Variants in POMGNT1 observed in about 807,000 individuals in gnomAD.
POMGNT1 encodes protein O-linked-mannose beta-1,2-N-acetylglucosaminyltransferase 1.
A neutral mutation model predicts 95.6 loss-of-function variants in POMGNT1; 67 were observed. The ratio of observed to expected loss-of-function variants is 0.70; its 90% CI spans 0.58 to 0.86. The LOEUF (loss-of-function observed/expected upper bound fraction) is 0.86. Among genes scored for constraint, POMGNT1 ranks in the 40% least tolerant of loss-of-function variants. The pLI is 0.00. For missense variants in POMGNT1, 719 were observed against 855.2 expected (o/e 0.84, Z 1.99); for synonymous variants, 298 against 317.9 (o/e 0.94, Z 0.66).
In POMGNT1 at chr1:46,193,296, A is replaced by G. The variant is rs1553163359; in HGVS notation, c.1110+9T>C. ...GTGTCTGCCCCATCCCCACTTGCCTATGCAGTACCTGAGACACGCGGGCAT... is the reference window on the plus strand; with the variant it reads ...GTGTCTGCCCCATCCCCACTTGCCTGTGCAGTACCTGAGACACGCGGGCAT... On this transcript the variant is annotated intron_variant, in intron 12 of 21. Coordinates refer to ENST00000371984, the MANE Select transcript of POMGNT1 (RefSeq NM_017739.4). 1.2e-6 allele frequency: 2 copies of G among 1,613,738 alleles called. No homozygotes were observed. The highest frequency in any genetic ancestry group is 8.5e-7 in the Non-Finnish European group (1 of 1,179,896).
At chr1:46,219,698 G>C (rs1380109240) in intron 1 of POMGNT1, 1 of 1,580,328 alleles carries the variant, frequency 6.3e-7, no homozygotes, top group South Asian at 1.2e-5. Context: ...CACTCCCCCA[G>C]GCTTACCTGC....
intron 8 of POMGNT1, 54 bp downstream of exon 8, chr1:46,194,499 T>C (rs1350932241): frequency 1.2e-6 from 2 of 1,613,992 alleles, no homozygotes; most frequent in Admixed American, 1.7e-5. Context: ...CAGAGAGATC[T>C]AAATGCCCAC....
rs1013539247 is a variant in POMGNT1, at chr1:46,195,077, A to G, written c.535-116T>C. 7 of 883,724 alleles carry G rather than the reference A, an allele frequency of 7.9e-6. No individual in the cohort carries two copies. In the African/African-American group the frequency reaches 8.2e-5, roughly 10 times the overall value. 54.7% of individuals were successfully genotyped at this position (883,724 alleles called of 1,614,324 possible). A position where few individuals can be genotyped will look rare whatever the true frequency, so the allele number is the denominator to read the frequency against. On this transcript the variant is annotated intron_variant, in intron 6 of 21. Transcript: ENST00000371984. Reference sequence around the variant, plus strand: ...TAAAATAGCTCATTACATTATTGCAATAACCCTCTATGGTTACTCTCTTTC... The same window carrying G: ...TAAAATAGCTCATTACATTATTGCAGTAACCCTCTATGGTTACTCTCTTTC...
Position 46,189,181 on chromosome 1 carries a change from A to G in POMGNT1, c.*89T>C. On this transcript the variant is annotated 3_prime_UTR_variant, in exon 22 of 22. Transcript: ENST00000371984. ...AAACAAGGTAGCCCCAGCCCCTACC[A>G]GCATCTACAAAATCCTACAGGATGG... 6.5e-7 allele frequency: 1 copy of G among 1,535,044 alleles called. No homozygotes were observed. The highest frequency in any genetic ancestry group is 8.7e-7 in the Non-Finnish European group (1 of 1,145,926).
chr1:46,194,042 A>G, intron 9 of POMGNT1, 117 bp from the exon 10 acceptor site: 1 of 1,556,968 alleles, frequency 6.4e-7, no homozygotes. Flanking sequence ...GGGAAGGGAT[A>G]GAGGATCTTC....
chr1:46,197,226 C>T, intron 2 of POMGNT1, 142 bp from the exon 3 acceptor site: 1 of 1,571,220 alleles, frequency 6.4e-7, no homozygotes, highest in Admixed American at 1.8e-5. Flanking sequence ...AGCTCTACTC[C>T]CCTGACCAGG....
At chr1:46,211,227 C>T (rs1470710088) in intron 1 of POMGNT1, among the ~76,000 whole-genome samples, 1 of 152,154 alleles carries the variant, frequency 6.6e-6, no homozygotes, top group Non-Finnish European at 1.5e-5. Context: ...TGCGGCATTC[C>T]TTCCTCCAGG....
intron 1 of POMGNT1, chr1:46,219,695 C>G (rs374639738): frequency 1.6e-5 from 25 of 1,575,782 alleles, no homozygotes; most frequent in Non-Finnish European, 2.2e-5. Flanking sequence ...TCCCACTCCC[C>G]CAGGCTTACC....
rs780413984 is a variant in POMGNT1, at chr1:46,196,582, A to G, written c.354+149T>C. Reference sequence around the variant, plus strand: ...CTGACAAGTAGAAATCATTAGTCCCAGTCTATAGATAAGGAATCGAGGACT... The same window carrying G: ...CTGACAAGTAGAAATCATTAGTCCCGGTCTATAGATAAGGAATCGAGGACT... On this transcript the variant is annotated intron_variant, in intron 4 of 21. Coordinates refer to ENST00000371984, the MANE Select transcript of POMGNT1 (RefSeq NM_017739.4). The surrounding 1 kb of genome is among the most constrained non-coding windows in gnomAD (Gnocchi z 4.4). 1.8e-5 allele frequency: 26 copies of G among 1,474,032 alleles called. No homozygotes were observed. The highest frequency in any genetic ancestry group is 2.2e-5 in the Non-Finnish European group (24 of 1,087,996). 91.3% of individuals were successfully genotyped at this position (1,474,032 alleles called of 1,614,324 possible).
upstream of POMGNT1, chr1:46,203,296 C>A: frequency 1.7e-6 from 1 of 600,578 alleles, no homozygotes; most frequent in Non-Finnish European, 2.6e-6. Context: ...TTACGGCGCC[C>A]TCCTCCCGCC....
chr1:46,202,920 G>GT (rs540959987), upstream of POMGNT1, among the ~76,000 whole-genome samples: 145 of 64,510 alleles, frequency 2.2e-3, 7 homozygotes, highest in South Asian at 5.6e-3. Context: ...GGGGGGGGGT[G>GT]GTGTGTGTGT....
At chr1:46,198,860 G>A (rs903148988), upstream of POMGNT1, among the ~76,000 whole-genome samples, 5 of 152,210 alleles carry the variant, frequency 3.3e-5, no homozygotes, top group African/African-American at 1.2e-4. Context: ...TTAAAATCCA[G>A]GTTCTGTCAC....
At chr1:46,198,945 GT>G (rs139232552), upstream of POMGNT1, among the ~76,000 whole-genome samples, 9 of 150,176 alleles carry the variant, frequency 6.0e-5, no homozygotes, top group African/African-American at 2.2e-4. Context: ...CATTATTATT[GT>G]TTTTTTTTTA....
At chr1:46,213,615 C>G (rs1483584397) in intron 1 of POMGNT1, among the ~76,000 whole-genome samples, 1 of 152,012 alleles carries the variant, frequency 6.6e-6, no homozygotes, top group Non-Finnish European at 1.5e-5. Context: ...TCACAGCACT[C>G]TGGGAGGCTG....
chr1:46,195,975 C>T, intron 5 of POMGNT1, 37 bp downstream of exon 5: 1 of 1,614,154 alleles, frequency 6.2e-7, no homozygotes, highest in Non-Finnish European at 8.5e-7. Flanking sequence ...AAGAGCCCAG[C>T]TCCAGCCCTC....
rs1454287334 is a variant in POMGNT1 at position 46,192,886 on chromosome 1, G to A, written c.1211+14C>T. 3 of 1,614,018 alleles carry A rather than the reference G, an allele frequency of 1.9e-6. No individual in the cohort carries two copies. The Admixed American group carries it at 5.0e-5, about 27-fold the overall frequency. On this transcript the variant is annotated intron_variant, in intron 14 of 21. Transcript: ENST00000371984. ...ACTGAGGGACCTCAACTGAAACCTA[G>A]AGACTCCCCTCACCTGAAAAAATCC...
At chr1:46,204,272 A>G (rs2148234874) in intron 1 of POMGNT1, among the ~76,000 whole-genome samples, 1 of 152,302 alleles carries the variant, frequency 6.6e-6, no homozygotes. Flanking sequence ...TCTTCCAGGT[A>G]AACTGGATAT....
chr1:46,204,933 A>T (rs1230586078), intron 1 of POMGNT1, among the ~76,000 whole-genome samples: 1 of 152,068 alleles, frequency 6.6e-6, no homozygotes, highest in East Asian at 1.9e-4. Context: ...CTCCACAGTA[A>T]CCCTGTTAAG....
Position 46,191,937 on chromosome 1 carries a change from T to C in POMGNT1, c.1539+161A>G, listed in dbSNP as rs1336173613. ...GCGTGAGCCACCGCGCCCAGCCCTT[T>C]ATCCTCATTTTTCAGATAAAGAAAC... On this transcript the variant is annotated intron_variant, in intron 17 of 21. Transcript: ENST00000371984. The C allele has an allele frequency of 1.5e-5, 19 of 1,246,840 alleles. No homozygotes were observed. The Admixed American group carries it at 2.6e-4, about 17-fold the overall frequency. 77.2% of individuals were successfully genotyped at this position (1,246,840 alleles called of 1,614,324 possible).
Sources: gnomAD v4.1 joint callset for allele counts (sites outside exome capture counted in the v4.1 genomes callset) on GRCh38, gnomAD v4.1.1 for gene constraint, Gnocchi (gnomAD v3.1) non-coding constraint, MANE v1.5 for transcripts, NCBI Gene and HGNC (gene_info 2026-07-23, HGNC 2026-07-21) for gene names.